Variants in KCNG3 observed in about 807,000 individuals in gnomAD.
The protein encoded by KCNG3 is voltage-gated potassium channel regulatory subunit KCNG3.
Under a neutral mutation model 29.0 loss-of-function variants are expected in KCNG3, and 15 were observed. That is an observed-to-expected ratio of 0.52 (90% CI 0.35 to 0.80). The LOEUF is 0.80. Among genes scored for constraint, KCNG3 ranks in the 30% least tolerant of loss-of-function variants. KCNG3 has a pLI of 0.01. For synonymous variants in KCNG3, 322 were observed against 248.9 expected (o/e 1.29, Z -2.76); for missense variants, 512 against 605.7 (o/e 0.85, Z 1.62).
chr2:42,463,784 A>G (rs1388771904), intron 1 of KCNG3: 2 of 191,928 alleles, frequency 1.0e-5, no homozygotes, highest in African/African-American at 2.4e-5. Flanking sequence ...TCATTTCTCC[A>G]TAACTGTCAG....
chr2:42,450,507 G>A (rs1672721880), intron 1 of KCNG3, among the ~76,000 whole-genome samples: 1 of 152,142 alleles, frequency 6.6e-6, no homozygotes, highest in Admixed American at 6.5e-5. Context: ...TATTCCCGGA[G>A]GTTACTTCTG....
intron 1 of KCNG3, among the ~76,000 whole-genome samples, chr2:42,461,516 T>C (rs1673017330): frequency 6.6e-6 from 1 of 152,092 alleles, no homozygotes. Context: ...AGATCAAAAA[T>C]CTGTGGTTCT....
At chr2:42,437,482 C>T (rs2103650946), downstream of KCNG3, among the ~76,000 whole-genome samples, 1 of 152,216 alleles carries the variant, frequency 6.6e-6, no homozygotes, top group Middle Eastern at 3.4e-3. Flanking sequence ...TACCTCTGTC[C>T]TAGGAACAAA....
At chr2:42,457,483 C>T (rs912762715) in intron 1 of KCNG3, among the ~76,000 whole-genome samples, 3 of 151,202 alleles carry the variant, frequency 2.0e-5, no homozygotes, top group African/African-American at 7.3e-5. Flanking sequence ...GACAGAGAGA[C>T]TTTGTTTCAA....
At chr2:42,409,796 CCA>C in the KCNG3 span, among the ~76,000 whole-genome samples, 2 of 151,542 alleles carry the variant, frequency 1.3e-5, no homozygotes, top group East Asian at 3.9e-4. Context: ...CCAATGCATC[CCA>C]CTCCCAGGTA....
the KCNG3 span, among the ~76,000 whole-genome samples, chr2:42,434,910 TAAAC>T: frequency 7.9e-5 from 12 of 152,030 alleles, no homozygotes; most frequent in Middle Eastern, 3.4e-3. Context: ...ATGCAAAAAA[TAAAC>T]AAATAAAATT....
At chr2:42,461,587 C>A (rs1572849907) in intron 1 of KCNG3, among the ~76,000 whole-genome samples, 3 of 152,164 alleles carry the variant, frequency 2.0e-5, no homozygotes, top group African/African-American at 7.2e-5. Flanking sequence ...CCTGACAGCA[C>A]CTGTGGTCCC....
At chr2:42,392,704 A>T in the KCNG3 span, among the ~76,000 whole-genome samples, 6 of 152,016 alleles carry the variant, frequency 3.9e-5, no homozygotes, top group African/African-American at 1.4e-4. Context: ...GGAAAATAGG[A>T]ACTCAGGAGG....
chr2:42,486,550 C>G (rs1449270963), intron 1 of KCNG3, among the ~76,000 whole-genome samples: 1 of 152,250 alleles, frequency 6.6e-6, no homozygotes, highest in Non-Finnish European at 1.5e-5. Context: ...CCATTGCCCT[C>G]CAACCTCATC....
At chr2:42,465,275 G>A (rs1433505914) in intron 1 of KCNG3, among the ~76,000 whole-genome samples, 2 of 150,564 alleles carry the variant, frequency 1.3e-5, no homozygotes. Flanking sequence ...GGAGTGCAGT[G>A]GCACGATCAT....
intron 1 of KCNG3, among the ~76,000 whole-genome samples, chr2:42,456,338 G>C (rs1162330640): frequency 6.6e-6 from 1 of 151,970 alleles, no homozygotes; most frequent in African/African-American, 2.4e-5. Flanking sequence ...AGTCCAGTCT[G>C]GGCAACATGT....
chr2:42,473,362 G>GT (rs1342305725), intron 1 of KCNG3, among the ~76,000 whole-genome samples: 1 of 146,932 alleles, frequency 6.8e-6, no homozygotes, highest in Admixed American at 6.8e-5. Context: ...TTTTTTGTTT[G>GT]TTTTTTTGAG....
chr2:42,491,677 G>T (rs1490412004), intron 1 of KCNG3, among the ~76,000 whole-genome samples: 2 of 152,052 alleles, frequency 1.3e-5, no homozygotes, highest in Non-Finnish European at 1.5e-5. Context: ...TTCAAGCCAA[G>T]AAGAAATAAT....
chr2:42,406,176 T>C, the KCNG3 span, among the ~76,000 whole-genome samples: 1 of 152,172 alleles, frequency 6.6e-6, no homozygotes, highest in East Asian at 1.9e-4. Flanking sequence ...TCATTGTCAT[T>C]CAGTTCCAGA....
chr2:42,388,756 G>A, the KCNG3 span: 7 of 152,136 alleles, frequency 4.6e-5, no homozygotes, highest in Non-Finnish European at 7.3e-5. Flanking sequence ...TTCAACATAT[G>A]AATTTGGAGG....
At chr2:42,431,932 G>A in the KCNG3 span, among the ~76,000 whole-genome samples, 8 of 151,964 alleles carry the variant, frequency 5.3e-5, no homozygotes, top group South Asian at 4.2e-4. Context: ...CCAGCTACTC[G>A]GGAGGCTGAG....
At chr2:42,402,044 T>A in the KCNG3 span, among the ~76,000 whole-genome samples, 2 of 152,216 alleles carry the variant, frequency 1.3e-5, no homozygotes, top group Non-Finnish European at 2.9e-5. Context: ...GGTATTCGTA[T>A]CTGAATCAGC....
intron 1 of KCNG3, among the ~76,000 whole-genome samples, chr2:42,486,696 C>T (rs1237072887): frequency 6.6e-6 from 1 of 152,220 alleles, no homozygotes; most frequent in Non-Finnish European, 1.5e-5. Context: ...CAACTCACGT[C>T]ACCTTTCACA....
At chr2:42,485,640 G>A (rs942339782) in intron 1 of KCNG3, among the ~76,000 whole-genome samples, 2 of 152,022 alleles carry the variant, frequency 1.3e-5, no homozygotes, top group Admixed American at 1.3e-4. Context: ...AGCAGAGACG[G>A]GGTCTCACCG....
Sources: allele counts gnomAD v4.1 joint callset (sites outside exome capture counted in the v4.1 genomes callset), GRCh38; gene constraint gnomAD v4.1.1; transcripts MANE v1.5; gene names NCBI Gene and HGNC (gene_info 2026-07-23, HGNC 2026-07-21).